The following TRRAP variants were observed in gnomAD, a reference collection of about 807,000 sequenced individuals.
TRRAP encodes the protein transformation/transcription domain associated protein, also known as transformation/transcription domain-associated protein.
A neutral mutation model predicts 438.8 loss-of-function variants in TRRAP; 41 were observed. That is an observed-to-expected ratio of 0.09 (90% CI 0.07 to 0.12). The LOEUF (loss-of-function observed/expected upper bound fraction) is 0.12. Among genes scored for constraint, TRRAP ranks in the 10% least tolerant of loss-of-function variants. The pLI, the probability that TRRAP is intolerant of heterozygous loss-of-function variation, is 1.00. For missense variants in TRRAP, 3,122 were observed against 5,055.1 expected, an observed-to-expected ratio of 0.62 and a Z score of 11.60; for synonymous variants, 1,994 against 1,962.9, an observed-to-expected ratio of 1.02 and a Z score of -0.42.
intron 3 of TRRAP, among the ~76,000 whole-genome samples, chr7:98,886,393 GATAGAT>G (rs542796692): frequency 6.7e-4 from 100 of 150,314 alleles, no homozygotes; most frequent in African/African-American, 2.3e-3. Flanking sequence ...GAGAGATAGA[GATAGAT>G]ATAGATATCT....
intron 18 of TRRAP, among the ~76,000 whole-genome samples, chr7:98,914,113 G>A (rs1267720852): frequency 2.0e-5 from 3 of 152,152 alleles, no homozygotes; most frequent in Admixed American, 1.3e-4. Flanking sequence ...CTAGTCAGGC[G>A]TGGTAGCTTA....
intron 11 of TRRAP, 34 bp from the exon 12 acceptor site, chr7:98,903,345 C>T (rs782306648): frequency 1.2e-6 from 2 of 1,612,454 alleles, no homozygotes; most frequent in African/African-American, 1.3e-5. Context: ...CTCTCCTATC[C>T]CTGTAACTGT....
At chr7:98,949,369 G>T in intron 35 of TRRAP, 48 bp from the exon 36 acceptor site, 2 of 1,443,560 alleles carry the variant, frequency 1.4e-6, no homozygotes, top group Non-Finnish European at 1.8e-6. Flanking sequence ...CTAACTTTCT[G>T]TGAGTTTGAT....
In TRRAP at chr7:98,885,094, G is replaced by T. The variant is rs578239313; in HGVS notation, c.150+3070G>T. 2.5e-3 allele frequency among the ~76,000 whole-genome samples: 376 copies of T among 151,962 alleles called. 2 individuals carry two copies. Among genetic ancestry groups the T allele is most frequent in the Non-Finnish European group, 3.9e-3 (263 of 67,980 alleles). On this transcript the variant is annotated intron_variant, in intron 3 of 72. Transcript: ENST00000456197. Reference sequence around the variant, plus strand: ...CCCTTACAAACTACAAAAGGATCACGTTTCCGATTTTTATTGTTTATTAGA... The same window carrying T: ...CCCTTACAAACTACAAAAGGATCACTTTTCCGATTTTTATTGTTTATTAGA...
At chr7:98,935,190 T>C (rs1164543964) in intron 27 of TRRAP, among the ~76,000 whole-genome samples, 1 of 152,186 alleles carries the variant, frequency 6.6e-6, no homozygotes, top group Admixed American at 6.5e-5. Flanking sequence ...CATCTGTTTC[T>C]TGAACACTTG....
chr7:98,908,343 T>C lies in TRRAP; in HGVS notation c.1116-385T>C, dbSNP rs1554407871. Among the ~76,000 whole-genome samples, 1 of 152,246 alleles carries C rather than the reference T, an allele frequency of 6.6e-6. No homozygotes were observed. Among genetic ancestry groups the C allele is most frequent in the East Asian group, 1.9e-4 (1 of 5,198 alleles). On this transcript the variant is annotated intron_variant, in intron 13 of 72. Coordinates refer to ENST00000456197, the MANE Select transcript of TRRAP (RefSeq NM_001375524.1). This position sits in a 1 kb window ranked among gnomAD's most constrained non-coding sequence, Gnocchi z 4.1. ...GAAAAAACTAGTAGCCTGAAAATTC[T>C]TACTGTGTCTCTGTAAAGTGGTCAT...
At chr7:98,939,769 A>G (rs964538363) in intron 30 of TRRAP, among the ~76,000 whole-genome samples, 1 of 152,252 alleles carries the variant, frequency 6.6e-6, no homozygotes, top group African/African-American at 2.4e-5. Flanking sequence ...CATGAGCTCT[A>G]TGCATGTGTC....
chr7:98,886,883 T>C (rs1003492221), intron 3 of TRRAP, among the ~76,000 whole-genome samples: 2 of 152,218 alleles, frequency 1.3e-5, no homozygotes, highest in African/African-American at 4.8e-5. Flanking sequence ...AGGCAGCTTG[T>C]TGAATGAATC....
At chr7:98,897,616 G>A in intron 7 of TRRAP, 125 bp from the exon 8 acceptor site, 1 of 1,273,264 alleles carries the variant, frequency 7.9e-7, no homozygotes, top group Non-Finnish European at 1.1e-6. Flanking sequence ...GCATAAAAAT[G>A]TAGAACATAC....
At position 98,881,156 on chromosome 7, in the gene TRRAP, G is replaced by C. The variant is rs146782965; in HGVS notation, c.6G>C (p.Ala2=). ...CAAACCAGCCCAAAAGAAAAATGGC[G>C]TTTGTTGCAACACAGGGGGCCACGG... is the stretch of plus-strand genomic sequence containing the variant. M[A]FVATQGATVV... Residue 2 remains alanine (A), a synonymous_variant, in exon 2 of 73, where the codon GCG becomes GCC. Coordinates refer to ENST00000456197, the MANE Select transcript of TRRAP (RefSeq NM_001375524.1). The C allele has an allele frequency of 6.2e-7, 1 of 1,603,012 alleles. No individual in the cohort carries two copies. The highest frequency in any genetic ancestry group is 2.3e-5 in the East Asian group (1 of 44,364).
At chr7:98,975,029 C>T (rs1484464463) in intron 53 of TRRAP, among the ~76,000 whole-genome samples, 6 of 152,184 alleles carry the variant, frequency 3.9e-5, no homozygotes, top group African/African-American at 1.2e-4. Context: ...CTGGGCTCTT[C>T]AATTCTCCCC....
Position 98,976,810 on chromosome 7 carries a change from C to A in TRRAP, c.8247+40C>A. The A allele has an allele frequency of 6.2e-7, 1 of 1,604,010 alleles. No homozygotes were observed. The highest frequency in any genetic ancestry group is 8.5e-7 in the Non-Finnish European group (1 of 1,173,530). ...CAGTTTGTTAATTACCTCTTCCCTG[C>A]CAGTGACTTCACACTTTAAATAAAT... On this transcript the variant is annotated intron_variant, in intron 55 of 72. Transcript: ENST00000456197. This position sits in a 1 kb window ranked among gnomAD's most constrained non-coding sequence, Gnocchi z 4.6.
At chr7:98,997,554 T>TTAGAGTAGGAAGCCGAATTCC (rs1793728104) in intron 67 of TRRAP, among the ~76,000 whole-genome samples, 1 of 136,864 alleles carries the variant, frequency 7.3e-6, no homozygotes, top group African/African-American at 2.8e-5. Context: ...TTAGAGAAGA[T>TTAGAGTAGGAAGCCGAATTCC]CTTTTAAAAG....
intron 1 of TRRAP, among the ~76,000 whole-genome samples, chr7:98,879,012 C>T (rs1020642558): frequency 8.6e-5 from 13 of 151,946 alleles, no homozygotes; most frequent in African/African-American, 2.9e-4. Context: ...AGGCGCCCCC[C>T]GGCCAACCTG....
chr7:98,945,728 T>C lies in TRRAP; in HGVS notation c.4474-19T>C, dbSNP rs781826340. ...AATAACATAAATAGAAAAAAGATGA[T>C]TTTCCTCCCCATCCTCAGGAAAGCA... On this transcript the variant is annotated intron_variant, in intron 31 of 72. Transcript: ENST00000456197. 6 of 1,596,806 alleles carry C rather than the reference T, an allele frequency of 3.8e-6. No individual in the cohort carries two copies. Among genetic ancestry groups the C allele is most frequent in the African/African-American group, 1.3e-5 (1 of 74,830 alleles).
rs1463770988 is a variant in TRRAP at position 98,949,458 on chromosome 7, G to A, written c.4830G>A (p.Val1610=). 4.4e-6 allele frequency: 7 copies of A among 1,603,978 alleles called. No homozygotes were observed. The highest frequency in any genetic ancestry group is 1.3e-5 in the African/African-American group (1 of 74,150). The change falls in exon 36 of 73, where the codon GTG becomes GTA. Residue 1610 remains valine (V), a synonymous_variant. Coordinates refer to ENST00000456197, the MANE Select transcript of TRRAP (RefSeq NM_001375524.1). ...KHKDARPLRD[V]LAANPNRFIT... ...AAGACGCCAGACCTCTGCGGGATGT[G>A]CTGGCTGCCAACCCCAACAGGTTCA...
At chr7:98,954,500 T>A (rs1339711759) in intron 40 of TRRAP, among the ~76,000 whole-genome samples, 1 of 152,156 alleles carries the variant, frequency 6.6e-6, no homozygotes, top group African/African-American at 2.4e-5. Context: ...GAGCTAGAAC[T>A]CCAGCCTCGG....
At position 98,881,156 on chromosome 7, in the gene TRRAP, G is replaced by A. The variant is rs146782965; in HGVS notation, c.6G>A (p.Ala2=). The part of the protein sequence containing the change: M[A]FVATQGATVV... ...CAAACCAGCCCAAAAGAAAAATGGC[G>A]TTTGTTGCAACACAGGGGGCCACGG... Residue 2 remains alanine (A), a synonymous_variant, in exon 2 of 73, where the codon GCG becomes GCA. Coordinates refer to ENST00000456197, the MANE Select transcript of TRRAP (RefSeq NM_001375524.1). The A allele has an allele frequency of 4.7e-4, 758 of 1,602,890 alleles. No homozygotes were observed. Among genetic ancestry groups the A allele is most frequent in the Non-Finnish European group, 6.0e-4 (704 of 1,174,636 alleles).
rs782009444 is a variant in TRRAP, at chr7:98,911,225, C to T, written c.1961C>T (p.Thr654Met). ...ACGTTCAAAGAAATCTTCCAAACTA[C>T]GGTCCCTTATATGGTGGAGAGAATC... is the stretch of plus-strand genomic sequence containing the variant. ...PLTFKEIFQT[T>M]VPYMVERISK... The change falls in exon 17 of 73, where the codon ACG (threonine) becomes ATG (methionine). Residue 654 changes from threonine (T) to methionine (M), a missense_variant. This residue lies in a region of TRRAP where 149 missense variants were observed against 302.8 expected (regional missense o/e 0.49). Coordinates refer to ENST00000456197, the MANE Select transcript of TRRAP (RefSeq NM_001375524.1). 1.2e-5 allele frequency: 20 copies of T among 1,613,950 alleles called. No individual in the cohort carries two copies. The highest frequency in any genetic ancestry group is 2.2e-5 in the South Asian group (2 of 91,076).
Sources: gnomAD v4.1 joint callset for allele counts (sites outside exome capture counted in the v4.1 genomes callset) on GRCh38, gnomAD v4.1.1 for gene constraint, gnomAD v4.1.1 regional missense constraint, Gnocchi (gnomAD v3.1) non-coding constraint, MANE v1.5 for transcripts, NCBI Gene and HGNC (gene_info 2026-07-23, HGNC 2026-07-21) for gene names.